Variants in HACD1 observed in about 807,000 individuals in gnomAD.
HACD1 encodes very-long-chain (3R)-3-hydroxyacyl-CoA dehydratase 1.
Under a neutral mutation model 32.0 loss-of-function variants are expected in HACD1, and 41 were observed. That is an observed-to-expected ratio of 1.28 (90% CI 1.00 to 1.66). The LOEUF (loss-of-function observed/expected upper bound fraction) is 1.66. HACD1 is among the 40% of genes most tolerant of loss of function. HACD1 has a pLI of 0.00. For missense variants in HACD1, 396 were observed against 380.1 expected (o/e 1.04, Z -0.35); for synonymous variants, 142 against 139.0 (o/e 1.02, Z -0.15).
intron 1 of HACD1, among the ~76,000 whole-genome samples, chr10:17,610,105 A>G (rs1554817364): frequency 6.6e-6 from 1 of 152,216 alleles, no homozygotes; most frequent in Non-Finnish European, 1.5e-5. Context: ...AGACATGTAC[A>G]TGCATGCTTA....
intron 1 of HACD1, among the ~76,000 whole-genome samples, chr10:17,613,714 G>A (rs1028804910): frequency 7.2e-5 from 11 of 152,168 alleles, no homozygotes; most frequent in Non-Finnish European, 2.9e-5. Flanking sequence ...CTGATTTGCC[G>A]GGGAAGGGTC....
intron 6 of HACD1, among the ~76,000 whole-genome samples, chr10:17,591,296 G>A (rs1427353046): frequency 1.3e-5 from 2 of 152,054 alleles, no homozygotes; most frequent in African/African-American, 4.8e-5. Context: ...TAACCCTCAG[G>A]ACCATGGATC....
At chr10:17,610,204 C>T (rs1834212937) in intron 1 of HACD1, among the ~76,000 whole-genome samples, 1 of 152,094 alleles carries the variant, frequency 6.6e-6, no homozygotes, top group African/African-American at 2.4e-5. Context: ...GGTCCATTTG[C>T]GGATCTGTCC....
intron 1 of HACD1, among the ~76,000 whole-genome samples, chr10:17,612,933 A>C (rs1451048110): frequency 6.8e-6 from 1 of 146,746 alleles, no homozygotes; most frequent in Non-Finnish European, 1.5e-5. Context: ...AAAAAAAAAA[A>C]CAAAAACAAA....
Position 17,617,284 on chromosome 10 carries a change from C to A in HACD1, c.56G>T (p.Trp19Leu). Residue 19 changes from tryptophan to leucine, a missense_variant, in exon 1 of 7, where the codon TGG becomes TTG. By Grantham distance (61) the Trp-to-Leu change is moderately conservative. Coordinates refer to ENST00000361271, the MANE Select transcript of HACD1 (RefSeq NM_014241.4). ...CAGGAGCGTGGGAGGGGACCCTGCC[C>A]AGCCTGCAGCCCGAGAGCCGCTGCC... ...AAGSGSRAAG[W>L]AGSPPTLLPL... 6.8e-7 allele frequency: 1 copy of A among 1,462,132 alleles called. No individual in the cohort carries two copies. Among genetic ancestry groups the A allele is most frequent in the Non-Finnish European group, 9.0e-7 (1 of 1,113,194 alleles). 90.6% of individuals were successfully genotyped at this position (1,462,132 alleles called of 1,614,324 possible).
chr10:17,607,759 T>C (rs11595381), intron 1 of HACD1, among the ~76,000 whole-genome samples: 29,019 of 152,030 alleles, frequency 0.19, 3,395 homozygotes, highest in Non-Finnish European at 0.26. Flanking sequence ...ATAAAAGAAA[T>C]TGACAGGCTC....
chr10:17,597,611 C>T (rs1450537042), intron 5 of HACD1, among the ~76,000 whole-genome samples: 1 of 152,188 alleles, frequency 6.6e-6, no homozygotes, highest in African/African-American at 2.4e-5. Context: ...CTATCCTCTT[C>T]AGACAAATTT....
chr10:17,610,204 C>A (rs1834212937), intron 1 of HACD1, among the ~76,000 whole-genome samples: 1 of 152,094 alleles, frequency 6.6e-6, no homozygotes, highest in Non-Finnish European at 1.5e-5. Flanking sequence ...GGTCCATTTG[C>A]GGATCTGTCC....
chr10:17,613,061 A>C (rs2131523836), intron 1 of HACD1, among the ~76,000 whole-genome samples: 1 of 150,870 alleles, frequency 6.6e-6, no homozygotes. Flanking sequence ...ATTTTATAAT[A>C]TTTCTTAAAT....
At chr10:17,615,834 G>A in intron 1 of HACD1, 1 of 432,370 alleles carries the variant, frequency 2.3e-6, no homozygotes, top group Non-Finnish European at 4.7e-6. Context: ...GGGCGTGGTG[G>A]CCCACGCTTG....
At chr10:17,611,513 T>G (rs1834235741) in intron 1 of HACD1, among the ~76,000 whole-genome samples, 1 of 152,282 alleles carries the variant, frequency 6.6e-6, no homozygotes. Flanking sequence ...AATTGTTGTT[T>G]ATATATTAAT....
intron 1 of HACD1, among the ~76,000 whole-genome samples, chr10:17,612,606 G>T (rs1322275185): frequency 2.6e-5 from 4 of 152,156 alleles, no homozygotes; most frequent in Non-Finnish European, 4.4e-5. Flanking sequence ...GCCTCCTTGA[G>T]AATGAAGTTT....
chr10:17,606,863 A>T (rs1834155603), intron 1 of HACD1, among the ~76,000 whole-genome samples: 1 of 152,110 alleles, frequency 6.6e-6, no homozygotes, highest in Non-Finnish European at 1.5e-5. Context: ...TCAATTCATA[A>T]CATATTAACC....
At chr10:17,609,922 G>A (rs1554817339) in intron 1 of HACD1, among the ~76,000 whole-genome samples, 1 of 150,522 alleles carries the variant, frequency 6.6e-6, no homozygotes, top group Non-Finnish European at 1.5e-5. Context: ...GGCAGAGGTT[G>A]CAGTGAGCCG....
chr10:17,592,924 G>A lies in HACD1; in HGVS notation c.784+1281C>T, dbSNP rs528518619. ...AAGATACAAGTTGGAGACATCTGCC[G>A]GGGGCAGGGGCTCATGCCTGTAATC... On this transcript the variant is annotated intron_variant, in intron 6 of 6. Transcript: ENST00000361271. Among the ~76,000 whole-genome samples, 265 of 152,262 alleles carry A rather than the reference G, an allele frequency of 1.7e-3. 1 individual carries two copies. The highest frequency in any genetic ancestry group is 6.2e-3 in the African/African-American group (258 of 41,560).
intron 1 of HACD1, among the ~76,000 whole-genome samples, chr10:17,613,097 GGTGTGTGTGTGTGTGTGTGTGTGT>G (rs56074507): frequency 1.2e-4 from 16 of 132,880 alleles, no homozygotes; most frequent in Admixed American, 1.6e-4. Flanking sequence ...TGCAATTTGG[GGTGTGTGTGTGTGTGTGTGTGTGT>G]GTGTGTGTGT....
chr10:17,617,160 C>T lies in HACD1; in HGVS notation c.180G>A (p.Glu60=). The change falls in exon 1 of 7, where the codon GAG becomes GAA. Residue 60 remains glutamate (E), a synonymous_variant. Transcript: ENST00000361271. ...CCAGGCGCCTCCGCTCGCCGGGAGCCTCCCGGTCCTCGCCGGCCTCCGAGG... is the reference window on the plus strand; with the variant it reads ...CCAGGCGCCTCCGCTCGCCGGGAGCTTCCCGGTCCTCGCCGGCCTCCGAGG... The part of the protein sequence containing the change: ...GGASEAGEDR[E]APGERRRLGV... 3 of 1,506,028 alleles carry T rather than the reference C, an allele frequency of 2.0e-6. No individual in the cohort carries two copies. The highest frequency in any genetic ancestry group is 1.8e-6 in the Non-Finnish European group (2 of 1,131,260). 93.3% of individuals were successfully genotyped at this position (1,506,028 alleles called of 1,614,324 possible). A position where few individuals can be genotyped will look rare whatever the true frequency, so the allele number is the denominator to read the frequency against.
intron 5 of HACD1, among the ~76,000 whole-genome samples, chr10:17,596,780 A>G (rs533834528): frequency 6.6e-6 from 1 of 152,326 alleles, no homozygotes; most frequent in African/African-American, 2.4e-5. Context: ...TTTTAAATCA[A>G]TATGAAAAAC....
chr10:17,606,199 A>G (rs1300529882), intron 1 of HACD1, among the ~76,000 whole-genome samples: 2 of 152,168 alleles, frequency 1.3e-5, no homozygotes, highest in Non-Finnish European at 2.9e-5. Context: ...GAAAGAAAAA[A>G]GAAAGAAAAA....
Sources: allele counts gnomAD v4.1 joint callset (sites outside exome capture counted in the v4.1 genomes callset), GRCh38; gene constraint gnomAD v4.1.1; transcripts MANE v1.5; gene names NCBI Gene and HGNC (gene_info 2026-07-23, HGNC 2026-07-21).